MEF2C: variants seen among roughly 807,000 people sequenced by gnomAD.
The protein encoded by MEF2C is myocyte enhancer factor 2C.
A neutral mutation model predicts 50.5 loss-of-function variants in MEF2C; 6 were observed. The observed-to-expected ratio is 0.12, with a 90% CI of 0.07 to 0.23. MEF2C has a LOEUF of 0.23. Ranked by LOEUF, MEF2C falls within the 10% of genes least tolerant of loss-of-function variation. MEF2C has a pLI of 1.00. For missense variants in MEF2C, 276 were observed against 605.0 expected (o/e 0.46, Z 5.70); for synonymous variants, 183 against 228.0 (o/e 0.80, Z 1.78).
chr5:88,822,411 G>A (rs1178155620), intron 2 of MEF2C, among the ~76,000 whole-genome samples: 1 of 151,854 alleles, frequency 6.6e-6, no homozygotes, highest in African/African-American at 2.4e-5. Flanking sequence ...AGCAAGAAAC[G>A]ATGTGCATGA....
intron 6 of MEF2C, chr5:88,735,666 A>C: frequency 1.0e-6 from 1 of 985,368 alleles, no homozygotes; most frequent in Non-Finnish European, 1.2e-6. Flanking sequence ...ATTAGTGTCA[A>C]TACATAGAAC....
chr5:88,735,684 TG>T (rs1763780429), intron 6 of MEF2C: 1 of 985,350 alleles, frequency 1.0e-6, no homozygotes, highest in South Asian at 4.7e-5. Flanking sequence ...AACTTGAATG[TG>T]GTGTTAGGAG....
intron 2 of MEF2C, among the ~76,000 whole-genome samples, chr5:88,807,635 T>G (rs992577567): frequency 6.6e-6 from 1 of 152,196 alleles, no homozygotes; most frequent in Non-Finnish European, 1.5e-5. Context: ...CAATAATGTG[T>G]GTATAGTATT....
chr5:88,888,415 A>G (rs2150194189), intron 1 of MEF2C, among the ~76,000 whole-genome samples: 1 of 152,350 alleles, frequency 6.6e-6, no homozygotes, highest in Non-Finnish European at 1.5e-5. Flanking sequence ...TAAAGCCTCT[A>G]TATTTGGGTT....
chr5:88,824,796 T>G (rs1810092727), intron 1 of MEF2C: 1 of 151,938 alleles, frequency 6.6e-6, no homozygotes, highest in African/African-American at 2.4e-5. Context: ...ACTGGAGATC[T>G]CTGGGTCAGG....
At chr5:88,855,225 T>C (rs2153401960) in intron 1 of MEF2C, among the ~76,000 whole-genome samples, 1 of 152,360 alleles carries the variant, frequency 6.6e-6, no homozygotes, top group South Asian at 2.1e-4. Flanking sequence ...ATAGAATATA[T>C]AGGAAGCATT....
intron 3 of MEF2C, among the ~76,000 whole-genome samples, chr5:88,783,381 C>CT (rs1789155700): frequency 1.3e-5 from 2 of 152,180 alleles, no homozygotes; most frequent in African/African-American, 4.8e-5. Flanking sequence ...GTAATCCCAG[C>CT]ACTTTGGGAG....
chr5:88,741,766 G>T (rs1202996446), intron 6 of MEF2C: 6 of 984,962 alleles, frequency 6.1e-6, no homozygotes, highest in African/African-American at 1.7e-5. Flanking sequence ...CTAAGGTCAA[G>T]AAATTGTAAA....
chr5:88,887,445 A>G (rs1834129312), upstream of MEF2C: 2 of 152,236 alleles, frequency 1.3e-5, no homozygotes, highest in Admixed American at 1.3e-4. Flanking sequence ...GGAGTTTGGC[A>G]GTTTTACCTT....
chr5:88,860,192 A>G (rs1401678315), intron 1 of MEF2C, among the ~76,000 whole-genome samples: 2 of 152,176 alleles, frequency 1.3e-5, no homozygotes, highest in Admixed American at 1.3e-4. Flanking sequence ...ACATTCTAAT[A>G]ATTATGGAAA....
chr5:88,856,691 G>T (rs533862250), intron 1 of MEF2C, among the ~76,000 whole-genome samples: 3 of 152,386 alleles, frequency 2.0e-5, no homozygotes, highest in African/African-American at 7.2e-5. Flanking sequence ...TTGCTTCAGA[G>T]GGTTCAAGCT....
chr5:88,861,386 A>C (rs751625878), intron 1 of MEF2C, among the ~76,000 whole-genome samples: 1 of 152,244 alleles, frequency 6.6e-6, no homozygotes, highest in Non-Finnish European at 1.5e-5. Flanking sequence ...GCCAGATCTG[A>C]AATGAATCAT....
intron 5 of MEF2C, chr5:88,751,185 A>T: frequency 6.2e-6 from 6 of 973,836 alleles, no homozygotes; most frequent in Non-Finnish European, 7.3e-6. Context: ...TGTTCTAAGT[A>T]CTAAGAATGG....
chr5:88,728,707 A>G, intron 9 of MEF2C, 79 bp from the exon 10 acceptor site: 1 of 1,028,798 alleles, frequency 9.7e-7, no homozygotes, highest in South Asian at 4.0e-5. Flanking sequence ...AACATTTTCA[A>G]TTTCCAAAAT....
At chr5:88,836,651 C>T (rs1191092294) in intron 1 of MEF2C, among the ~76,000 whole-genome samples, 1 of 152,182 alleles carries the variant, frequency 6.6e-6, no homozygotes, top group Non-Finnish European at 1.5e-5. Context: ...TGAGCTGAGA[C>T]AGTTTCTAGG....
chr5:88,722,299 G>A lies in MEF2C; in HGVS notation c.*305C>T, dbSNP rs1756599207. 3.7e-6 allele frequency: 1 copy of A among 268,268 alleles called. No homozygotes were observed. The highest frequency in any genetic ancestry group is 7.1e-6 in the Non-Finnish European group (1 of 141,092). 16.6% of individuals were successfully genotyped at this position (268,268 alleles called of 1,614,324 possible). A position where few individuals can be genotyped will look rare whatever the true frequency, so the allele number is the denominator to read the frequency against. On this transcript the variant is annotated 3_prime_UTR_variant, in exon 11 of 11. Coordinates refer to ENST00000504921, the MANE Select transcript of MEF2C (RefSeq NM_002397.5). ...GTAAATAACGTTGAACCTGCAACAT[G>A]ACACTATCTATTGTAACATACATTT... is the stretch of plus-strand genomic sequence containing the variant.
At chr5:88,757,719 C>T (rs1180986575) in intron 4 of MEF2C, among the ~76,000 whole-genome samples, 1 of 152,138 alleles carries the variant, frequency 6.6e-6, no homozygotes, top group South Asian at 2.1e-4. Flanking sequence ...AGTTCCAGAA[C>T]AGCCTGGCCA....
chr5:88,766,735 A>C (rs1780221055), intron 3 of MEF2C: 1 of 985,168 alleles, frequency 1.0e-6, no homozygotes, highest in Admixed American at 6.2e-5. Flanking sequence ...ACTTTGTTGC[A>C]TAGGTAGTGT....
chr5:88,728,418 G>A lies in MEF2C; in HGVS notation c.1100+75C>T. 5.3e-6 allele frequency: 6 copies of A among 1,142,668 alleles called. No homozygotes were observed. The South Asian group carries it at 2.1e-4, about 40-fold the overall frequency. 70.8% of individuals were successfully genotyped at this position (1,142,668 alleles called of 1,614,324 possible). A position where few individuals can be genotyped will look rare whatever the true frequency, so the allele number is the denominator to read the frequency against. The stretch of plus-strand genomic sequence containing the variant: ...TTATACCCGTTAATGGGATATTGAA[G>A]CACATATTTAGAGACTGTCATTTGT... On this transcript the variant is annotated intron_variant, in intron 10 of 10. Coordinates refer to ENST00000504921, the MANE Select transcript of MEF2C (RefSeq NM_002397.5).
Sources: allele counts gnomAD v4.1 joint callset (sites outside exome capture counted in the v4.1 genomes callset), GRCh38; gene constraint gnomAD v4.1.1; transcripts MANE v1.5; gene names NCBI Gene and HGNC (gene_info 2026-07-23, HGNC 2026-07-21).